The following MEI4 variants were observed in gnomAD, a reference collection of about 807,000 sequenced individuals.
MEI4 encodes the protein meiosis-specific protein MEI4.
A neutral mutation model predicts 31.4 loss-of-function variants in MEI4; 27 were observed. The ratio of observed to expected loss-of-function variants is 0.86; its 90% CI spans 0.63 to 1.19. The LOEUF is 1.19. MEI4 is among the 50% of genes most tolerant of loss of function. The probability of loss-of-function intolerance (pLI) is 0.00; values close to 1 mark genes in which losing one functional copy is unlikely to be tolerated. For missense variants in MEI4, 329 were observed against 398.9 expected (o/e 0.82, Z 1.49); for synonymous variants, 122 against 145.4 (o/e 0.84, Z 1.16).
At chr6:77,735,256 C>G (rs1052628939) in intron 2 of MEI4, among the ~76,000 whole-genome samples, 16 of 151,984 alleles carry the variant, frequency 1.1e-4, no homozygotes, top group Non-Finnish European at 2.2e-4. Flanking sequence ...TTCTCCCCGT[C>G]ACTTTCAGGT....
At position 77,874,279 on chromosome 6, in the gene MEI4, C is replaced by A. The variant is rs537839035; in HGVS notation, c.900+45217C>A. ...ATTTGTTTGTATCCTCTTTTATTTCCTTGAGCAGTGGTTTGTAGTTCTCCT... is the reference window on the plus strand; with the variant it reads ...ATTTGTTTGTATCCTCTTTTATTTCATTGAGCAGTGGTTTGTAGTTCTCCT... On this transcript the variant is annotated intron_variant, in intron 4 of 4. Coordinates refer to ENST00000684080, the MANE Select transcript of MEI4 (RefSeq NM_001322247.2). Among the ~76,000 whole-genome samples the A allele has an allele frequency of 1.5e-3, 230 of 152,108 alleles. 1 individual carries two copies. Among genetic ancestry groups the A allele is most frequent in the African/African-American group, 4.8e-3 (201 of 41,512 alleles).
intron 4 of MEI4, among the ~76,000 whole-genome samples, chr6:77,834,343 C>T (rs559149653): frequency 6.8e-6 from 1 of 146,928 alleles, no homozygotes; most frequent in South Asian, 2.1e-4. Context: ...ATAATTTTCT[C>T]TGTTTTTGAC....
At chr6:77,733,353 T>C (rs62419089) in intron 2 of MEI4, among the ~76,000 whole-genome samples, 18,653 of 152,090 alleles carry the variant, frequency 0.12, 1,350 homozygotes, top group Middle Eastern at 0.21. Context: ...GGTTTAGTCT[T>C]GGGAGAGTGT....
At chr6:77,684,580 A>G (rs1769018256) in intron 1 of MEI4, among the ~76,000 whole-genome samples, 1 of 152,020 alleles carries the variant, frequency 6.6e-6, no homozygotes, top group Non-Finnish European at 1.5e-5. Context: ...TTTAGATCCC[A>G]CAAATAAGTG....
intron 4 of MEI4, among the ~76,000 whole-genome samples, chr6:77,874,744 G>C (rs1156580534): frequency 1.3e-5 from 2 of 152,078 alleles, no homozygotes; most frequent in Non-Finnish European, 2.9e-5. Flanking sequence ...CTGTGGGTTT[G>C]TCATAGATAG....
At chr6:77,921,550 T>C (rs1766704431) in intron 4 of MEI4, among the ~76,000 whole-genome samples, 1 of 151,880 alleles carries the variant, frequency 6.6e-6, no homozygotes, top group African/African-American at 2.4e-5. Flanking sequence ...TCTTTGAATT[T>C]ACAACTTGGT....
chr6:77,822,434 G>C (rs9352532), intron 3 of MEI4, among the ~76,000 whole-genome samples: 22,676 of 152,068 alleles, frequency 0.15, 2,059 homozygotes, highest in East Asian at 0.4. Flanking sequence ...TGTGTCTAAC[G>C]TAATGGTCTA....
intron 2 of MEI4, among the ~76,000 whole-genome samples, chr6:77,692,570 A>T (rs759879194): frequency 6.6e-6 from 1 of 152,090 alleles, no homozygotes; most frequent in Non-Finnish European, 1.5e-5. Flanking sequence ...TAGATCTGTG[A>T]TAGTGAGAAA....
At chr6:77,905,774 G>C (rs1766281632) in intron 4 of MEI4, among the ~76,000 whole-genome samples, 2 of 149,988 alleles carry the variant, frequency 1.3e-5, no homozygotes, top group South Asian at 4.2e-4. Flanking sequence ...GAGATTACAG[G>C]CGTGAGCCAC....
rs66547813 is a variant in MEI4, at chr6:77,868,500, TAC to T, written c.900+39440_900+39441del. On this transcript the variant is annotated intron_variant, in intron 4 of 4. Coordinates refer to ENST00000684080, the MANE Select transcript of MEI4 (RefSeq NM_001322247.2). ...GAAAAAACTTCCATGTAAAAAATAC[TAC>T]ATATATATATATATATATATATATA... Among the ~76,000 whole-genome samples the T allele has an allele frequency of 0.016, 807 of 50,344 alleles. 113 individuals carry two copies. The East Asian group carries it at 0.21, about 13-fold the overall frequency. 33.0% of individuals were successfully genotyped at this position (50,344 alleles called of 152,430 possible). A position where few individuals can be genotyped will look rare whatever the true frequency, so the allele number is the denominator to read the frequency against.
At chr6:77,883,719 T>TATATATATATATATACATATAC (rs1771544909) in intron 4 of MEI4, among the ~76,000 whole-genome samples, 1 of 133,540 alleles carries the variant, frequency 7.5e-6, no homozygotes, top group East Asian at 2.4e-4. Context: ...TTATGTAAGA[T>TATATATATATATATACATATAC]ATATATATAT....
intron 2 of MEI4, among the ~76,000 whole-genome samples, chr6:77,743,029 T>C (rs1178364793): frequency 6.6e-6 from 1 of 152,126 alleles, no homozygotes; most frequent in Non-Finnish European, 1.5e-5. Context: ...TGTAGCCTTA[T>C]AGTATAGTTT....
chr6:77,717,070 GTTC>G (rs1766599167), intron 2 of MEI4, among the ~76,000 whole-genome samples: 1 of 140,760 alleles, frequency 7.1e-6, no homozygotes, highest in Non-Finnish European at 1.5e-5. Context: ...GGGAACCAGC[GTTC>G]AGCATATGGA....
intron 4 of MEI4, among the ~76,000 whole-genome samples, chr6:77,896,246 T>C (rs1039301978): frequency 1.3e-5 from 2 of 152,146 alleles, no homozygotes; most frequent in Admixed American, 1.3e-4. Context: ...ATGTGGCATC[T>C]ATTTTATCAC....
intron 4 of MEI4, among the ~76,000 whole-genome samples, chr6:77,849,465 G>A (rs1261837124): frequency 6.6e-6 from 1 of 152,098 alleles, no homozygotes; most frequent in Admixed American, 6.5e-5. Flanking sequence ...ATTTCTGTTC[G>A]CTCTGAGCAA....
At chr6:77,813,720 T>C (rs532885316) in intron 3 of MEI4, among the ~76,000 whole-genome samples, 3 of 152,236 alleles carry the variant, frequency 2.0e-5, no homozygotes, top group Admixed American at 2.0e-4. Flanking sequence ...AGTCATTTGA[T>C]CATTTTTGTC....
At chr6:77,883,132 T>C (rs1318474846) in intron 4 of MEI4, among the ~76,000 whole-genome samples, 1 of 152,172 alleles carries the variant, frequency 6.6e-6, no homozygotes, top group Admixed American at 6.5e-5. Flanking sequence ...AGTTTTACCA[T>C]ATGTATCTGA....
intron 4 of MEI4, among the ~76,000 whole-genome samples, chr6:77,843,804 A>G (rs1770417363): frequency 6.6e-6 from 1 of 152,080 alleles, no homozygotes. Context: ...ATTTAAAAAT[A>G]ATCATTAATT....
intron 2 of MEI4, among the ~76,000 whole-genome samples, chr6:77,744,413 T>C (rs1767520010): frequency 6.6e-6 from 1 of 151,744 alleles, no homozygotes; most frequent in Non-Finnish European, 1.5e-5. Flanking sequence ...AAGAGAAGTT[T>C]AGAGAAAAAA....
Sources: gnomAD v4.1 joint callset for allele counts (sites outside exome capture counted in the v4.1 genomes callset) on GRCh38, gnomAD v4.1.1 for gene constraint, MANE v1.5 for transcripts, NCBI Gene and HGNC (gene_info 2026-07-23, HGNC 2026-07-21) for gene names.